Variants in VWA5A observed in about 807,000 individuals in gnomAD.
VWA5A encodes the protein von Willebrand factor A domain containing 5A.
In VWA5A, 77 loss-of-function variants were observed where a neutral mutation model predicts 84.6. The observed-to-expected ratio is 0.91, with a 90% CI of 0.76 to 1.10. The LOEUF is 1.10. Among genes scored for constraint, VWA5A ranks in the 50% least tolerant of loss-of-function variants. The pLI, the probability that VWA5A is intolerant of heterozygous loss-of-function variation, is 0.00. For missense variants in VWA5A, 973 were observed against 963.0 expected (o/e 1.01, Z -0.14); for synonymous variants, 334 against 350.1 (o/e 0.95, Z 0.51).
Position 124,136,288 on chromosome 11 carries a change from A to C in VWA5A, c.1519A>C (p.Met507Leu). The change falls in exon 13 of 19, where the codon ATG becomes CTG. Residue 507 changes from methionine to leucine, a missense_variant. By Grantham distance (15) the Met-to-Leu change is conservative. Coordinates refer to ENST00000456829, the MANE Select transcript of VWA5A (RefSeq NM_001130142.2). Reference protein sequence around the residue: ...LISYAQLTGRMPAAETTGEVC... With the variant: ...LISYAQLTGRLPAAETTGEVC... ...CAGCTATGCCCAGCTGACCGGGAGGATGCCAGTGAGTTCCCATTCTTATTT... is the reference window on the plus strand; with the variant it reads ...CAGCTATGCCCAGCTGACCGGGAGGCTGCCAGTGAGTTCCCATTCTTATTT... 6.2e-7 allele frequency: 1 copy of C among 1,612,186 alleles called. No homozygotes were observed. Among genetic ancestry groups the C allele is most frequent in the Admixed American group, 1.7e-5 (1 of 59,986 alleles).
At position 124,122,975 on chromosome 11, in the gene VWA5A, A is replaced by T; in HGVS notation, c.776A>T (p.Asp259Val). ...PNMKPGHLMG[D>V]PSAMVSFYPN... ...TTCTGAACAGGTCATTTGATGGGAG[A>T]TCCATCTGCAATGGTGAGTTTCTAT... Residue 259 changes from aspartate (D) to valine (V), a missense_variant, in exon 8 of 19, where the codon GAT becomes GTT. Physicochemically the swap from Asp to Val is radical, Grantham distance 152. Transcript: ENST00000456829. 6.2e-7 allele frequency: 1 copy of T among 1,613,560 alleles called. No homozygotes were observed. The highest frequency in any genetic ancestry group is 1.1e-5 in the South Asian group (1 of 91,018).
At chr11:124,125,873 A>T (rs756197001) in intron 11 of VWA5A, among the ~76,000 whole-genome samples, 1 of 152,152 alleles carries the variant, frequency 6.6e-6, no homozygotes, top group Non-Finnish European at 1.5e-5. Context: ...GATATTTTTC[A>T]GTCTTTTCCT....
intron 11 of VWA5A, among the ~76,000 whole-genome samples, chr11:124,130,293 T>G (rs987541857): frequency 1.3e-5 from 2 of 152,230 alleles, no homozygotes; most frequent in African/African-American, 4.8e-5. Flanking sequence ...CGGTTTTGAA[T>G]GACTTTCTTA....
intron 4 of VWA5A, 44 bp downstream of exon 4, chr11:124,117,919 C>T (rs1201498155): frequency 6.2e-7 from 1 of 1,604,032 alleles, no homozygotes; most frequent in Admixed American, 1.7e-5. Flanking sequence ...TTACCTCCTC[C>T]CTTCTTATTT....
chr11:124,124,553 A>G, intron 11 of VWA5A: 3 of 1,249,642 alleles, frequency 2.4e-6, no homozygotes, highest in Non-Finnish European at 3.0e-6. Flanking sequence ...GAACACAAGA[A>G]TTGAATAGTA....
chr11:124,142,300 C>A, intron 16 of VWA5A, 142 bp from the exon 17 acceptor site: 1 of 1,154,466 alleles, frequency 8.7e-7, no homozygotes, highest in Non-Finnish European at 1.2e-6. Context: ...GAAGACCGAT[C>A]TTCTGGATGT....
At chr11:124,131,096 TA>T (rs1448719266) in intron 11 of VWA5A, among the ~76,000 whole-genome samples, 1 of 152,080 alleles carries the variant, frequency 6.6e-6, no homozygotes, top group Non-Finnish European at 1.5e-5. Flanking sequence ...CCATCAGGTA[TA>T]CCTTCCAAGA....
chr11:124,122,665 C>A (rs1864949060), intron 7 of VWA5A, among the ~76,000 whole-genome samples: 1 of 152,182 alleles, frequency 6.6e-6, no homozygotes, highest in African/African-American at 2.4e-5. Flanking sequence ...TAATGTATTT[C>A]ATTCATTTGC....
In VWA5A at chr11:124,145,723, A is replaced by G. The variant is rs112857055; in HGVS notation, c.2282-143A>G. ...TGTATCTGGGGCCAGAGAAGATTCA[A>G]GGAGAATCTGGGTAGCAAGAAAAGA... On this transcript the variant is annotated intron_variant, in intron 18 of 18. Coordinates refer to ENST00000456829, the MANE Select transcript of VWA5A (RefSeq NM_001130142.2). 3,136 of 861,290 alleles carry G rather than the reference A, an allele frequency of 3.6e-3. 73 individuals are homozygous for G. In the African/African-American group the frequency reaches 0.047, roughly 13 times the overall value. The allele number at this position is 861,290 out of a possible 1,614,324, so 53.4% of individuals were successfully genotyped here. A position where few individuals can be genotyped will look rare whatever the true frequency, so the allele number is the denominator to read the frequency against.
intron 16 of VWA5A, 93 bp downstream of exon 16, chr11:124,141,834 C>A: frequency 1.4e-6 from 2 of 1,476,780 alleles, no homozygotes; most frequent in Non-Finnish European, 1.8e-6. Flanking sequence ...ACAGCTATGA[C>A]AAGAGATGCA....
At position 124,136,587 on chromosome 11, in the gene VWA5A, CAGG is replaced by C. The variant is rs1440898437; in HGVS notation, c.1541_1543del (p.Gly514del). 10 of 1,614,016 alleles carry C rather than the reference CAGG, an allele frequency of 6.2e-6. No individual in the cohort carries two copies. Among genetic ancestry groups the C allele is most frequent in the Admixed American group, 1.7e-5 (1 of 60,000 alleles). ...TCTAATTTGCAGGCAGCAGAGACAA[CAGG>C]AGAAGTATGCCTCAAATATACACTC... On this transcript the variant is annotated inframe_deletion, in exon 14 of 19. Coordinates refer to ENST00000456829, the MANE Select transcript of VWA5A (RefSeq NM_001130142.2).
At chr11:124,121,425 T>C (rs1360235782) in intron 7 of VWA5A, among the ~76,000 whole-genome samples, 1 of 152,164 alleles carries the variant, frequency 6.6e-6, no homozygotes, top group African/African-American at 2.4e-5. Flanking sequence ...CAGGACAGCT[T>C]TGAATGCAGA....
At chr11:124,117,168 G>A (rs3758928) in intron 2 of VWA5A, among the ~76,000 whole-genome samples, 23,421 of 152,208 alleles carry the variant, frequency 0.15, 2,295 homozygotes, top group Middle Eastern at 0.29. Flanking sequence ...AGAGGGATTA[G>A]TGACACCTAC....
At chr11:124,129,957 G>T (rs185268586) in intron 11 of VWA5A, among the ~76,000 whole-genome samples, 1 of 152,132 alleles carries the variant, frequency 6.6e-6, no homozygotes. Flanking sequence ...TTTTTGAAGG[G>T]TTTTTTCTGT....
Position 124,117,538 on chromosome 11 carries a change from C to A in VWA5A, c.27C>A (p.Thr9=), listed in dbSNP as rs774188114. 1.7e-5 allele frequency: 28 copies of A among 1,614,062 alleles called. No individual in the cohort carries two copies. The South Asian group carries it at 3.0e-4, about 17-fold the overall frequency. Residue 9 remains threonine, a synonymous_variant, in exon 3 of 19, where the codon ACC becomes ACA. Transcript: ENST00000456829. MVHFCGLL[T]LHREPVPLKS... ...TGGTGCACTTCTGTGGCCTACTCAC[C>A]CTCCACCGGGAGCCAGGTAAGCCTA...
At chr11:124,138,333 T>C (rs1010284996) in intron 15 of VWA5A, among the ~76,000 whole-genome samples, 1 of 152,154 alleles carries the variant, frequency 6.6e-6, no homozygotes, top group Admixed American at 6.5e-5. Flanking sequence ...CTGGATCATA[T>C]AGTACCTCCA....
intron 18 of VWA5A, 82 bp from the exon 19 acceptor site, chr11:124,145,784 C>G: frequency 7.2e-7 from 1 of 1,396,508 alleles, no homozygotes. Flanking sequence ...AAAAGCACAA[C>G]TCAGGGTAGA....
intron 11 of VWA5A, among the ~76,000 whole-genome samples, chr11:124,134,615 A>G (rs1865145798): frequency 6.6e-6 from 1 of 152,168 alleles, no homozygotes; most frequent in Admixed American, 6.5e-5. Context: ...CTCCAGTGAC[A>G]TTGCTATCAT....
At chr11:124,127,342 G>T (rs1364442628) in intron 11 of VWA5A, among the ~76,000 whole-genome samples, 1 of 152,170 alleles carries the variant, frequency 6.6e-6, no homozygotes, top group Non-Finnish European at 1.5e-5. Flanking sequence ...CAAAGGACAT[G>T]AACTCATCCT....
Sources: gnomAD v4.1 joint callset for allele counts (sites outside exome capture counted in the v4.1 genomes callset) on GRCh38, gnomAD v4.1.1 for gene constraint, MANE v1.5 for transcripts, NCBI Gene and HGNC (gene_info 2026-07-23, HGNC 2026-07-21) for gene names.